Variants in TENM2 observed in about 807,000 individuals in gnomAD.
TENM2 encodes the protein teneurin transmembrane protein 2.
TENM2 carries 52 observed loss-of-function variants against 245.2 expected under a neutral mutation model. The observed-to-expected ratio is 0.21, with a 90% CI of 0.17 to 0.27. TENM2 has a LOEUF of 0.27. Ranked by LOEUF, TENM2 falls within the 10% of genes least tolerant of loss-of-function variation. The probability of loss-of-function intolerance (pLI) is 1.00; values close to 1 mark genes in which losing one functional copy is unlikely to be tolerated. For synonymous variants in TENM2, 1,363 were observed against 1,438.9 expected (o/e 0.95, Z 1.19); for missense variants, 3,046 against 3,666.8 (o/e 0.83, Z 4.37).
At chr5:168,228,864 TATA>T (rs563191411) in intron 25 of TENM2, among the ~76,000 whole-genome samples, 5 of 147,952 alleles carry the variant, frequency 3.4e-5, no homozygotes, top group South Asian at 4.2e-4. Flanking sequence ...ATATTATTAT[TATA>T]ATTATTATAT....
intron 2 of TENM2, among the ~76,000 whole-genome samples, chr5:167,412,874 A>G (rs1360515725): frequency 1.0e-5 from 1 of 96,056 alleles, no homozygotes; most frequent in African/African-American, 2.9e-5. Context: ...TATGTCATCG[A>G]AAGCAAAAAA....
intron 2 of TENM2, among the ~76,000 whole-genome samples, chr5:167,657,175 T>C (rs1240051652): frequency 6.6e-6 from 1 of 152,206 alleles, no homozygotes; most frequent in Non-Finnish European, 1.5e-5. Flanking sequence ...TATGAGATCA[T>C]GTTTTTGTTT....
At chr5:168,009,637 G>A (rs753576496) in intron 5 of TENM2, among the ~76,000 whole-genome samples, 1 of 152,176 alleles carries the variant, frequency 6.6e-6, no homozygotes, top group Non-Finnish European at 1.5e-5. Flanking sequence ...ATGCTCACCT[G>A]GGGAATTTAG....
chr5:167,843,508 A>G (rs955769378), intron 2 of TENM2, among the ~76,000 whole-genome samples: 4 of 152,282 alleles, frequency 2.6e-5, no homozygotes, highest in Admixed American at 6.5e-5. Context: ...TGTTTATTTG[A>G]GAGTCACATT....
chr5:167,703,058 T>C (rs1561687768), intron 2 of TENM2, among the ~76,000 whole-genome samples: 1 of 152,212 alleles, frequency 6.6e-6, no homozygotes, highest in Non-Finnish European at 1.5e-5. Context: ...TTGATTTCTC[T>C]CTTTCACATA....
At chr5:168,072,348 G>T (rs926126485) in intron 7 of TENM2, among the ~76,000 whole-genome samples, 1 of 151,306 alleles carries the variant, frequency 6.6e-6, no homozygotes, top group African/African-American at 2.4e-5. Context: ...ATTATGGCTC[G>T]CTTGGTCTTC....
At chr5:167,219,757 C>T in the TENM2 span, among the ~76,000 whole-genome samples, 3 of 152,188 alleles carry the variant, frequency 2.0e-5, no homozygotes, top group Non-Finnish European at 4.4e-5. Context: ...TGAAAAAGCA[C>T]TCCCTTTCAG....
intron 1 of TENM2, among the ~76,000 whole-genome samples, chr5:167,322,049 CTTGAACTCCTGACCTCAAGT>C: frequency 6.6e-6 from 1 of 151,910 alleles, no homozygotes; most frequent in Non-Finnish European, 1.5e-5. Context: ...CCAGGCTGGT[CTTGAACTCCTGACCTCAAGT>C]GATCTGCCCA....
intron 2 of TENM2, among the ~76,000 whole-genome samples, chr5:167,447,004 G>A (rs1261474810): frequency 6.6e-6 from 1 of 152,100 alleles, no homozygotes; most frequent in Non-Finnish European, 1.5e-5. Context: ...TCCAAATGAG[G>A]GTTCCTTTGA....
chr5:167,356,844 A>T (rs1223177802), intron 1 of TENM2, among the ~76,000 whole-genome samples: 1 of 152,232 alleles, frequency 6.6e-6, no homozygotes, highest in African/African-American at 2.4e-5. Flanking sequence ...TTCTCCATAA[A>T]AAGACATTTA....
intron 3 of TENM2, among the ~76,000 whole-genome samples, chr5:167,879,763 G>A (rs1049976337): frequency 1.3e-5 from 2 of 152,136 alleles, no homozygotes; most frequent in African/African-American, 2.4e-5. Context: ...AGATGCCCTA[G>A]CTAGGACATC....
the TENM2 span, among the ~76,000 whole-genome samples, chr5:167,068,223 C>T: frequency 6.6e-6 from 1 of 152,272 alleles, no homozygotes; most frequent in African/African-American, 2.4e-5. Flanking sequence ...TGGCTTGCAG[C>T]TTATATTTGA....
At chr5:167,045,056 T>C in the TENM2 span, among the ~76,000 whole-genome samples, 1 of 152,076 alleles carries the variant, frequency 6.6e-6, no homozygotes, top group Non-Finnish European at 1.5e-5. Context: ...TGAGGGGGCA[T>C]AATTAAAGGA....
chr5:167,063,028 T>C, the TENM2 span, among the ~76,000 whole-genome samples: 6 of 152,200 alleles, frequency 3.9e-5, no homozygotes, highest in Non-Finnish European at 8.8e-5. Context: ...TTGATGTAGG[T>C]CAACTGGTTT....
chr5:168,100,730 G>C (rs1793741902), intron 9 of TENM2, among the ~76,000 whole-genome samples: 1 of 152,038 alleles, frequency 6.6e-6, no homozygotes, highest in Non-Finnish European at 1.5e-5. Flanking sequence ...AGTGAGGCCT[G>C]TCAGGGGGTT....
chr5:167,284,772 G>T, upstream of TENM2: 1 of 1,252,868 alleles, frequency 8.0e-7, no homozygotes. Flanking sequence ...AGGTGGCAAA[G>T]TGACAAGTGC....
In TENM2 at chr5:167,854,896, ACT is replaced by A. The variant is rs1213943827; in HGVS notation, c.503-21088_503-21087del. 4.7e-4 allele frequency among the ~76,000 whole-genome samples: 72 copies of A among 151,828 alleles called. 1 individual carries two copies. Among genetic ancestry groups the A allele is most frequent in the African/African-American group, 1.6e-3 (65 of 41,356 alleles). On this transcript the variant is annotated intron_variant, in intron 2 of 28. Coordinates refer to ENST00000518659, the Ensembl canonical transcript of TENM2. ...TTTGTCACTATCACCCTCATCCAAG[ACT>A]CACCCCCACTCATCCCTGACCTGGA... is the stretch of plus-strand genomic sequence containing the variant.
At chr5:167,862,459 T>G (rs1033789373) in intron 2 of TENM2, among the ~76,000 whole-genome samples, 1 of 152,222 alleles carries the variant, frequency 6.6e-6, no homozygotes, top group Non-Finnish European at 1.5e-5. Context: ...AATCAGTCAC[T>G]TTGCACCCAA....
At chr5:167,602,288 T>C (rs1407392199) in intron 2 of TENM2, among the ~76,000 whole-genome samples, 1 of 152,206 alleles carries the variant, frequency 6.6e-6, no homozygotes, top group South Asian at 2.1e-4. Context: ...TTTCTGCTCC[T>C]TCCCCTTTCC....
Sources: gnomAD v4.1 joint callset for allele counts (sites outside exome capture counted in the v4.1 genomes callset) on GRCh38, gnomAD v4.1.1 for gene constraint, MANE v1.5 for transcripts, NCBI Gene and HGNC (gene_info 2026-07-23, HGNC 2026-07-21) for gene names.